Variants in EFCAB6 observed in about 807,000 individuals in gnomAD.
EFCAB6 encodes the protein EF-hand calcium binding domain 6.
EFCAB6 carries 156 observed loss-of-function variants against 169.8 expected under a neutral mutation model. The observed-to-expected ratio is 0.92, with a 90% CI of 0.81 to 1.05. EFCAB6 has a LOEUF of 1.05. Ranked by LOEUF, EFCAB6 falls within the 50% of genes least tolerant of loss-of-function variation. EFCAB6 has a pLI of 0.00. For missense variants in EFCAB6, 1,800 were observed against 1,829.1 expected, an observed-to-expected ratio of 0.98 and a Z score of 0.29; for synonymous variants, 698 against 676.4, an observed-to-expected ratio of 1.03 and a Z score of -0.50.
At chr22:43,740,386 TCTC>T (rs1390127231) in intron 6 of EFCAB6, among the ~76,000 whole-genome samples, 2 of 152,042 alleles carry the variant, frequency 1.3e-5, no homozygotes, top group African/African-American at 4.8e-5. Flanking sequence ...AATGAATCTG[TCTC>T]CTCCTCACCT....
intron 22 of EFCAB6, among the ~76,000 whole-genome samples, chr22:43,603,972 T>C (rs553608573): frequency 6.6e-5 from 10 of 152,326 alleles, no homozygotes; most frequent in Non-Finnish European, 1.0e-4. Context: ...TCTCGTGATA[T>C]TGAGTTCTCA....
At chr22:43,697,733 T>C (rs2058626513) in intron 10 of EFCAB6, among the ~76,000 whole-genome samples, 1 of 152,176 alleles carries the variant, frequency 6.6e-6, no homozygotes, top group Non-Finnish European at 1.5e-5. Flanking sequence ...TCCCTCTGGA[T>C]TCCGACATGG....
intron 25 of EFCAB6, 38 bp downstream of exon 25, chr22:43,580,426 A>G (rs1243658216): frequency 1.9e-6 from 3 of 1,603,434 alleles, no homozygotes; most frequent in Non-Finnish European, 2.6e-6. Flanking sequence ...ATGAATCAAG[A>G]TGAGTTTTCA....
intron 26 of EFCAB6, among the ~76,000 whole-genome samples, chr22:43,557,482 A>G (rs887649797): frequency 2.6e-5 from 4 of 152,244 alleles, no homozygotes; most frequent in Non-Finnish European, 5.9e-5. Context: ...AAAGTATTAG[A>G]AAGGCCTGAA....
At position 43,530,831 on chromosome 22, in the gene EFCAB6, A is replaced by T. The variant is rs1302902107; in HGVS notation, c.4367T>A (p.Val1456Asp). The T allele has an allele frequency of 1.9e-6, 3 of 1,613,904 alleles. No individual in the cohort carries two copies. Among genetic ancestry groups the T allele is most frequent in the Non-Finnish European group, 2.5e-6 (3 of 1,180,036 alleles). The part of the protein sequence containing the change: ...YDEAGTGLLS[V>D]ADFRTVLRQY... ...TGTGCTCACCGTCCTGAAATCTGCGACGCTTAGCAGCCCTGTTCCAGCCTC... is the reference window on the plus strand; with the variant it reads ...TGTGCTCACCGTCCTGAAATCTGCGTCGCTTAGCAGCCCTGTTCCAGCCTC... The change falls in exon 31 of 32, where the codon GTC (valine) becomes GAC (aspartate). Residue 1456 changes from valine (V) to aspartate (D), a missense_variant. Val to Asp is a radical substitution (Grantham distance 152). Transcript: ENST00000262726.
At chr22:43,540,091 G>A (rs1462067599) in intron 28 of EFCAB6, 36 bp downstream of exon 28, 1 of 1,606,612 alleles carries the variant, frequency 6.2e-7, no homozygotes, top group Non-Finnish European at 8.5e-7. Flanking sequence ...TGTGGCATGA[G>A]GAGGCCTGGG....
chr22:43,562,828 G>A lies in EFCAB6; in HGVS notation c.3421-7732C>T, dbSNP rs1231842593. ...GGAGGGAGGCAGCCCGGTGGGGGAT[G>A]GGAGGGAGGCAGCCCGGTGGGGGAT... is the stretch of plus-strand genomic sequence containing the variant. On this transcript the variant is annotated intron_variant, in intron 26 of 31. Coordinates refer to ENST00000262726, the MANE Select transcript of EFCAB6 (RefSeq NM_022785.4). Among the ~76,000 whole-genome samples, 6 of 149,100 alleles carry A rather than the reference G, an allele frequency of 4.0e-5. No individual in the cohort carries two copies. The East Asian group carries it at 1.2e-3, about 30-fold the overall frequency.
intron 2 of EFCAB6, chr22:43,802,846 G>T: frequency 2.5e-6 from 1 of 403,724 alleles, no homozygotes; most frequent in Non-Finnish European, 4.8e-6. Flanking sequence ...TTTTAATCAA[G>T]TTTTATAAAA....
intron 17 of EFCAB6, among the ~76,000 whole-genome samples, chr22:43,652,312 T>C (rs2056512217): frequency 6.6e-6 from 1 of 152,210 alleles, no homozygotes; most frequent in East Asian, 1.9e-4. Flanking sequence ...CTCTCATTTT[T>C]TGCCTGCCAC....
At chr22:43,782,716 C>T (rs935983508) in intron 2 of EFCAB6, among the ~76,000 whole-genome samples, 3 of 152,062 alleles carry the variant, frequency 2.0e-5, no homozygotes, top group South Asian at 2.1e-4. Context: ...ATGACAGGAG[C>T]GAAACTGGTG....
At chr22:43,808,124 A>G (rs577285864) in intron 2 of EFCAB6, among the ~76,000 whole-genome samples, 1 of 152,344 alleles carries the variant, frequency 6.6e-6, no homozygotes, top group Admixed American at 6.5e-5. Context: ...TCTGTACTGA[A>G]TATGTATGGA....
At chr22:43,763,320 C>T (rs1284093961) in intron 5 of EFCAB6, among the ~76,000 whole-genome samples, 3 of 151,950 alleles carry the variant, frequency 2.0e-5, no homozygotes, top group East Asian at 1.9e-4. Context: ...ATTACAGGCA[C>T]GAGCCACCAT....
Position 43,672,312 on chromosome 22 carries a change from G to A in EFCAB6, c.1420-7C>T, listed in dbSNP as rs1401270993. 3 of 1,613,776 alleles carry A rather than the reference G, an allele frequency of 1.9e-6. No homozygotes were observed. The African/African-American group carries it at 4.0e-5, about 22-fold the overall frequency. ...AGGGAGATGTCTTTCTCATCTAATT[G>A]GGAAAGAGAAAGTATATAAATAAAT... On this transcript the variant is annotated splice_region_variant and splice_polypyrimidine_tract_variant and intron_variant, in intron 13 of 31. Transcript: ENST00000262726.
intron 6 of EFCAB6, among the ~76,000 whole-genome samples, chr22:43,746,266 C>G (rs2060559923): frequency 6.6e-6 from 1 of 152,148 alleles, no homozygotes; most frequent in Non-Finnish European, 1.5e-5. Flanking sequence ...CATACCCTGC[C>G]TTTACCAAAA....
intron 10 of EFCAB6, among the ~76,000 whole-genome samples, chr22:43,707,196 GT>G (rs2058990184): frequency 6.6e-6 from 1 of 152,174 alleles, no homozygotes; most frequent in Non-Finnish European, 1.5e-5. Flanking sequence ...TGGCACAGCA[GT>G]GAACCAAAAT....
At chr22:43,727,732 A>T (rs187630859) in intron 8 of EFCAB6, among the ~76,000 whole-genome samples, 36 of 152,296 alleles carry the variant, frequency 2.4e-4, no homozygotes, top group African/African-American at 8.7e-4. Flanking sequence ...GTATATTAGA[A>T]ACCTTATTTA....
At chr22:43,688,185 C>T (rs1262624982) in intron 10 of EFCAB6, among the ~76,000 whole-genome samples, 2 of 152,160 alleles carry the variant, frequency 1.3e-5, no homozygotes, top group Admixed American at 6.5e-5. Flanking sequence ...TGTGAACCAA[C>T]AAATGCAGGT....
Position 43,782,305 on chromosome 22 carries a change from G to T in EFCAB6, c.14C>A (p.Ala5Glu), listed in dbSNP as rs769977848. The T allele has an allele frequency of 3.7e-6, 6 of 1,612,796 alleles. No homozygotes were observed. Among genetic ancestry groups the T allele is most frequent in the Non-Finnish European group, 5.1e-6 (6 of 1,179,696 alleles). The change falls in exon 3 of 32, where the codon GCG (alanine) becomes GAG (glutamate). Residue 5 changes from alanine (A) to glutamate (E), a missense_variant. Coordinates refer to ENST00000262726, the MANE Select transcript of EFCAB6 (RefSeq NM_022785.4). MCKM[A>E]IIPDWLRSHP... is the part of the protein sequence containing the mutation. ...CGACCTAAGCCAGTCTGGTATAATC[G>T]CCATTTTGCACATTAAATCCCTGTG...
At chr22:43,668,743 T>C in intron 16 of EFCAB6, 129 bp downstream of exon 16, 3 of 844,050 alleles carry the variant, frequency 3.6e-6, no homozygotes, top group Non-Finnish European at 4.9e-6. Context: ...TTACTGTCTT[T>C]CTAGTGTGCC....
Sources: gnomAD v4.1 joint callset for allele counts (sites outside exome capture counted in the v4.1 genomes callset) on GRCh38, gnomAD v4.1.1 for gene constraint, MANE v1.5 for transcripts, NCBI Gene and HGNC (gene_info 2026-07-23, HGNC 2026-07-21) for gene names.